The following SEC31A variants were observed in gnomAD, a reference collection of about 807,000 sequenced individuals.
The protein encoded by SEC31A is SEC31 homolog A, COPII component.
Under a neutral mutation model 151.0 loss-of-function variants are expected in SEC31A, and 70 were observed. The observed-to-expected ratio is 0.46, with a 90% CI of 0.38 to 0.57. SEC31A has a LOEUF of 0.57. Ranked by LOEUF, SEC31A falls within the 20% of genes least tolerant of loss-of-function variation. The probability of loss-of-function intolerance (pLI) is 0.00; values close to 1 mark genes in which losing one functional copy is unlikely to be tolerated. For missense variants in SEC31A, 1,330 were observed against 1,471.2 expected (o/e 0.90, Z 1.57); for synonymous variants, 475 against 505.9 (o/e 0.94, Z 0.82).
chr4:82,860,601 T>C (rs570916987), intron 14 of SEC31A, among the ~76,000 whole-genome samples: 25 of 151,882 alleles, frequency 1.6e-4, no homozygotes, highest in Non-Finnish European at 3.4e-4. Flanking sequence ...GCCTCCCAAA[T>C]AGCTAGGACT....
chr4:82,888,250 C>A (rs990171860), intron 1 of SEC31A, among the ~76,000 whole-genome samples: 1 of 147,956 alleles, frequency 6.8e-6, no homozygotes, highest in Admixed American at 6.8e-5. Context: ...GTGGTGTGTA[C>A]CTGTAATCCC....
Position 82,827,384 on chromosome 4 carries a change from A to G in SEC31A, c.3276T>C (p.Ile1092=), listed in dbSNP as rs764455538. Residue 1092 remains isoleucine (I), a synonymous_variant, in exon 24 of 27, where the codon ATT becomes ATC. Transcript: ENST00000395310. The part of the protein sequence containing the change: ...PNIEGAPGAP[I]GNTFQHVQSL... ...TTACTGTTACCTGGAAGGTATTTCCAATAGGAGCCCCTGGGGCACCTTCAA... is the reference window on the plus strand; with the variant it reads ...TTACTGTTACCTGGAAGGTATTTCCGATAGGAGCCCCTGGGGCACCTTCAA... 1 of 1,614,086 alleles carries G rather than the reference A, an allele frequency of 6.2e-7. No homozygotes were observed. Among genetic ancestry groups the G allele is most frequent in the Non-Finnish European group, 8.5e-7 (1 of 1,179,918 alleles).
At chr4:82,890,416 C>T (rs1742072685) in intron 1 of SEC31A, among the ~76,000 whole-genome samples, 1 of 152,166 alleles carries the variant, frequency 6.6e-6, no homozygotes, top group Admixed American at 6.5e-5. Context: ...ATCACTGCAA[C>T]TTCAAATAGC....
At chr4:82,861,420 T>C (rs181074188) in intron 14 of SEC31A, among the ~76,000 whole-genome samples, 293 of 152,332 alleles carry the variant, frequency 1.9e-3, no homozygotes, top group Admixed American at 3.5e-3. Context: ...TTTTAAACCA[T>C]ATAATCCAGA....
At position 82,819,000 on chromosome 4, in the gene SEC31A, A is replaced by T; in HGVS notation, c.*74T>A. On this transcript the variant is annotated 3_prime_UTR_variant, in exon 27 of 27. Coordinates refer to ENST00000395310, the MANE Select transcript of SEC31A (RefSeq NM_001077207.4). ...CAAACATGCTAATGAGGACTAGTCC[A>T]TGTCTTATAATTTTTTTTTTTAACA... is the stretch of plus-strand genomic sequence containing the variant. The T allele has an allele frequency of 7.8e-7, 1 of 1,274,802 alleles. No individual in the cohort carries two copies. The highest frequency in any genetic ancestry group is 1.1e-6 in the Non-Finnish European group (1 of 921,060). 79.0% of individuals were successfully genotyped at this position (1,274,802 alleles called of 1,614,324 possible).
At chr4:82,894,800 C>T (rs1480356294), upstream of SEC31A, 1 of 152,180 alleles carries the variant, frequency 6.6e-6, no homozygotes, top group African/African-American at 2.4e-5. Context: ...CTGATAGAGC[C>T]TCTTTTCAAA....
intron 16 of SEC31A, among the ~76,000 whole-genome samples, chr4:82,856,219 C>T (rs933636595): frequency 3.3e-5 from 5 of 151,872 alleles, no homozygotes; most frequent in African/African-American, 1.2e-4. Flanking sequence ...GGCGTGATCT[C>T]GGCTCACCGC....
rs1736789134 is a variant in SEC31A, at chr4:82,872,011, G to T, written c.715C>A (p.Pro239Thr). The stretch of plus-strand genomic sequence containing the variant: ...CGAAGATCCCACATCTGGATCACTG[G>T]TAACCGGTCATCCTCGGAGGCAAGG... ...MVLASEDDRLPVIQMWDLRFA... is the reference protein window; with the variant it reads ...MVLASEDDRLTVIQMWDLRFA... Residue 239 changes from proline (P) to threonine (T), a missense_variant, in exon 7 of 27, where the codon CCA becomes ACA. Transcript: ENST00000395310. 1 of 1,613,974 alleles carries T rather than the reference G, an allele frequency of 6.2e-7. No homozygotes were observed. Among genetic ancestry groups the T allele is most frequent in the Non-Finnish European group, 8.5e-7 (1 of 1,179,988 alleles).
At chr4:82,891,239 A>C (rs1719701198), upstream of SEC31A, 1 of 1,443,326 alleles carries the variant, frequency 6.9e-7, no homozygotes, top group Non-Finnish European at 9.3e-7. Context: ...CCTGCGCCCA[A>C]CACTTCCGGG....
upstream of SEC31A, chr4:82,893,737 A>C (rs1719941543): frequency 6.6e-6 from 1 of 152,206 alleles, no homozygotes; most frequent in South Asian, 2.1e-4. Flanking sequence ...TTTGTGGAAA[A>C]ATGGTTAAAA....
intron 5 of SEC31A, 85 bp from the exon 6 acceptor site, chr4:82,874,836 A>G (rs540485227): frequency 2.0e-6 from 3 of 1,485,750 alleles, no homozygotes; most frequent in African/African-American, 2.8e-5. Flanking sequence ...TTCATTTTGA[A>G]AAGTGTATTA....
intron 7 of SEC31A, 132 bp downstream of exon 7, chr4:82,871,812 C>T: frequency 8.6e-7 from 1 of 1,159,126 alleles, no homozygotes; most frequent in Non-Finnish European, 1.2e-6. Context: ...GCACTCCAGC[C>T]TAAGTGACAG....
chr4:82,890,816 TC>T (rs1413646411), intron 1 of SEC31A: 63 of 1,309,146 alleles, frequency 4.8e-5, no homozygotes, highest in Non-Finnish European at 5.9e-5. Context: ...CGGCTACTAC[TC>T]CCCGGCAAGA....
At chr4:82,846,430 T>C (rs934997004) in intron 20 of SEC31A, among the ~76,000 whole-genome samples, 2 of 148,248 alleles carry the variant, frequency 1.3e-5, no homozygotes, top group African/African-American at 5.0e-5. Context: ...ATAACATGGG[T>C]TTCAACTGCA....
intron 23 of SEC31A, among the ~76,000 whole-genome samples, chr4:82,828,321 A>G (rs1725093033): frequency 6.6e-6 from 1 of 152,212 alleles, no homozygotes; most frequent in African/African-American, 2.4e-5. Context: ...TGTAATACCT[A>G]AGTAGACATT....
intron 16 of SEC31A, among the ~76,000 whole-genome samples, chr4:82,856,294 G>A (rs1401757706): frequency 6.6e-6 from 1 of 151,664 alleles, no homozygotes; most frequent in Non-Finnish European, 1.5e-5. Flanking sequence ...GGGATTACAG[G>A]TGCCCACCAC....
rs1731931329 is a variant in SEC31A at position 82,853,713 on chromosome 4, G to T, written c.2011C>A (p.Leu671Ile). 7.5e-6 allele frequency: 12 copies of T among 1,601,548 alleles called. No homozygotes were observed. The highest frequency in any genetic ancestry group is 1.4e-5 in the African/African-American group (1 of 74,044). Residue 671 changes from leucine to isoleucine, a missense_variant and splice_region_variant, in exon 18 of 27, where the codon CTT (leucine) becomes ATT (isoleucine). Physicochemically the swap from Leu to Ile is conservative, Grantham distance 5. Coordinates refer to ENST00000395310, the MANE Select transcript of SEC31A (RefSeq NM_001077207.4). ...TCATTTTCAAGCCTGGTTCCCAAAA[G>T]ATCTGTAAGTAAGAGGAAAATAAAA... ...KPDEFSALCD[L>I]LGTRLENEGD...
chr4:82,845,898 C>T (rs999308575), intron 20 of SEC31A, among the ~76,000 whole-genome samples: 2 of 152,128 alleles, frequency 1.3e-5, no homozygotes, highest in Non-Finnish European at 2.9e-5. Context: ...AGTGAAGGGA[C>T]CGTACAACTC....
intron 1 of SEC31A, among the ~76,000 whole-genome samples, chr4:82,888,628 G>T (rs1478504610): frequency 6.6e-6 from 1 of 151,738 alleles, no homozygotes; most frequent in East Asian, 1.9e-4. Context: ...GACGGAGTTT[G>T]CAGTGAGCCG....
Sources: gnomAD v4.1 joint callset for allele counts (sites outside exome capture counted in the v4.1 genomes callset) on GRCh38, gnomAD v4.1.1 for gene constraint, MANE v1.5 for transcripts, NCBI Gene and HGNC (gene_info 2026-07-23, HGNC 2026-07-21) for gene names.